CNTNAP3: variants seen among roughly 807,000 people sequenced by gnomAD.
The protein encoded by CNTNAP3 is contactin associated protein family member 3.
In CNTNAP3, 36 loss-of-function variants were observed where a neutral mutation model predicts 92.1. That is an observed-to-expected ratio of 0.39 (90% confidence interval 0.30 to 0.52). The LOEUF (loss-of-function observed/expected upper bound fraction) is 0.52, where lower values mean the gene tolerates loss of function less well. Ranked by LOEUF, CNTNAP3 falls within the 20% of genes least tolerant of loss-of-function variation. The probability of loss-of-function intolerance (pLI) is 0.76; values close to 1 mark genes in which losing one functional copy is unlikely to be tolerated. For missense variants in CNTNAP3, 534 were observed against 1,069.6 expected, an observed-to-expected ratio of 0.50 and a Z score of 6.98; for synonymous variants, 232 against 422.3, an observed-to-expected ratio of 0.55 and a Z score of 5.53.
At position 39,132,912 on chromosome 9, in the gene CNTNAP3, C is replaced by T; in HGVS notation, c.2080+20G>A. The T allele has an allele frequency of 6.5e-7, 1 of 1,536,482 alleles. No homozygotes were observed. The highest frequency in any genetic ancestry group is 8.7e-7 in the Non-Finnish European group (1 of 1,150,444). On this transcript the variant is annotated intron_variant, in intron 13 of 23. Coordinates refer to ENST00000297668, the MANE Select transcript of CNTNAP3 (RefSeq NM_033655.5). ...GCCCCGGCCCCGTGAACCCCTGTAG[C>T]CTCCAGGAGTGGCGCTTACCTCGTG...
intron 18 of CNTNAP3, among the ~76,000 whole-genome samples, chr9:39,095,333 T>C (rs573818987): frequency 7.6e-4 from 116 of 151,888 alleles, no homozygotes; most frequent in African/African-American, 2.5e-3. Flanking sequence ...TCTTGCTTAA[T>C]GACTTTAGCT....
chr9:39,113,340 T>G (rs1271507052), intron 14 of CNTNAP3, among the ~76,000 whole-genome samples: 1 of 152,214 alleles, frequency 6.6e-6, no homozygotes, highest in Non-Finnish European at 1.5e-5. Context: ...ATTTTTTCCA[T>G]AAAAGTACTG....
At position 39,086,680 on chromosome 9, in the gene CNTNAP3, T is replaced by C. The variant is rs191597258; in HGVS notation, c.3354+36A>G. ...AGATTATTTGTTCTTAAAATAATAA[T>C]ATTAGTTAGTTTGACTTTTGCATTT... is the stretch of plus-strand genomic sequence containing the variant. On this transcript the variant is annotated intron_variant, in intron 20 of 23. Coordinates refer to ENST00000297668, the MANE Select transcript of CNTNAP3 (RefSeq NM_033655.5). 94 of 1,599,422 alleles carry C rather than the reference T, an allele frequency of 5.9e-5. No homozygotes were observed. In the African/African-American group the frequency reaches 1.0e-3, roughly 18 times the overall value.
chr9:39,133,296 G>A (rs1821349153), intron 12 of CNTNAP3, among the ~76,000 whole-genome samples, 161 bp from the exon 13 acceptor site: 1 of 152,130 alleles, frequency 6.6e-6, no homozygotes, highest in Admixed American at 6.5e-5. Context: ...ACAATGTACT[G>A]AGCCAGAACT....
chr9:39,123,989 AAGGT>A (rs1235489494), intron 13 of CNTNAP3, among the ~76,000 whole-genome samples: 1 of 152,118 alleles, frequency 6.6e-6, no homozygotes, highest in Non-Finnish European at 1.5e-5. Flanking sequence ...TACATAAAGA[AAGGT>A]AGGAGCATTA....
chr9:39,110,437 G>A lies in CNTNAP3; in HGVS notation c.2238-1150C>T, dbSNP rs570112428. On this transcript the variant is annotated intron_variant, in intron 14 of 23. Transcript: ENST00000297668. ...AAACAAAAAACCCCACACACTCAGC[G>A]CTCACCTTTTGTCAAACAGACATTG... Among the ~76,000 whole-genome samples the A allele has an allele frequency of 4.6e-5, 7 of 152,174 alleles. No homozygotes were observed. The South Asian group carries it at 6.2e-4, about 14-fold the overall frequency.
At chr9:39,119,351 C>T (rs978092429) in intron 13 of CNTNAP3, among the ~76,000 whole-genome samples, 3 of 107,532 alleles carry the variant, frequency 2.8e-5, no homozygotes, top group Non-Finnish European at 5.5e-5. Context: ...ACCTGCCCCT[C>T]TGCCAAAAAA....
rs1825681476 is a variant in CNTNAP3, at chr9:39,073,777, G to A, written c.*113C>T. 18 of 1,595,822 alleles carry A rather than the reference G, an allele frequency of 1.1e-5. No homozygotes were observed. Among genetic ancestry groups the A allele is most frequent in the Non-Finnish European group, 8.5e-7 (1 of 1,179,348 alleles). On this transcript the variant is annotated 3_prime_UTR_variant, in exon 24 of 24. Transcript: ENST00000297668. ...GTGTGCACCCTGATGGCAACAGCAG[G>A]GAAGTCCACAGTCACGATGATAGAG...
Position 39,100,009 on chromosome 9 carries a change from C to T in CNTNAP3, c.2897G>A (p.Gly966Glu). 6.3e-7 allele frequency: 1 copy of T among 1,591,252 alleles called. No individual in the cohort carries two copies. The change falls in exon 18 of 24, where the codon GGA (glycine) becomes GAA (glutamate). Residue 966 changes from glycine (G) to glutamate (E), a missense_variant. Gly to Glu is a moderately conservative substitution (Grantham distance 98, BLOSUM62 -2). Coordinates refer to ENST00000297668, the MANE Select transcript of CNTNAP3 (RefSeq NM_033655.5). The stretch of plus-strand genomic sequence containing the variant: ...TCTCCCTCCATTGCGACACAAGTGT[C>T]CATAGGTGCTGCAGTGTCCTGCACA... The part of the protein sequence containing the change: ...PGCAGHCSTY[G>E]HLCRNGGRCR...
intron 12 of CNTNAP3, among the ~76,000 whole-genome samples, chr9:39,133,422 T>TCAA (rs1821352844): frequency 6.6e-6 from 1 of 151,942 alleles, no homozygotes; most frequent in Non-Finnish European, 1.5e-5. Context: ...TTTTTTTATA[T>TCAA]CAACACAAGC....
At chr9:39,143,053 T>C (rs1821614528) in intron 11 of CNTNAP3, among the ~76,000 whole-genome samples, 2 of 151,616 alleles carry the variant, frequency 1.3e-5, no homozygotes, top group Non-Finnish European at 2.9e-5. Context: ...AGTAGAGATA[T>C]ACAGAAAGAA....
At chr9:39,130,495 C>CT (rs58074019) in intron 13 of CNTNAP3, among the ~76,000 whole-genome samples, 8,213 of 111,142 alleles carry the variant, frequency 0.074, 697 homozygotes, top group African/African-American at 0.17. Context: ...AGGAGGAATT[C>CT]TTTTTTTTTT....
intron 13 of CNTNAP3, among the ~76,000 whole-genome samples, chr9:39,121,348 G>C (rs1160271505): frequency 6.6e-6 from 1 of 152,144 alleles, no homozygotes; most frequent in Non-Finnish European, 1.5e-5. Flanking sequence ...AGACATAAAT[G>C]TATATGCAAG....
chr9:39,104,313 G>A (rs1826542936), intron 15 of CNTNAP3, among the ~76,000 whole-genome samples: 1 of 152,038 alleles, frequency 6.6e-6, no homozygotes, highest in Non-Finnish European at 1.5e-5. Context: ...TAACTGGGAG[G>A]GGAAATAATT....
intron 21 of CNTNAP3, among the ~76,000 whole-genome samples, chr9:39,081,532 T>A (rs1412835954): frequency 6.6e-6 from 1 of 150,780 alleles, no homozygotes; most frequent in African/African-American, 2.4e-5. Flanking sequence ...TTCAGGGGCA[T>A]ATGTATTTTG....
intron 18 of CNTNAP3, among the ~76,000 whole-genome samples, chr9:39,091,805 A>G (rs1826210180): frequency 6.6e-6 from 1 of 151,810 alleles, no homozygotes; most frequent in Admixed American, 6.6e-5. Context: ...TATATTTTTA[A>G]ATAGTTGATA....
chr9:39,149,356 GT>G (rs776205980), intron 10 of CNTNAP3, among the ~76,000 whole-genome samples: 306 of 145,624 alleles, frequency 2.1e-3, no homozygotes, highest in African/African-American at 7.0e-3. Flanking sequence ...TTTTGTTTTT[GT>G]TTTTTTTTTT....
chr9:39,129,243 C>T (rs1821220691), intron 13 of CNTNAP3, among the ~76,000 whole-genome samples: 1 of 152,182 alleles, frequency 6.6e-6, no homozygotes, highest in African/African-American at 2.4e-5. Flanking sequence ...TGCTATACAG[C>T]TACCATGTTC....
At chr9:39,161,656 CAATAATAATAAT>C (rs4062749) in intron 9 of CNTNAP3, among the ~76,000 whole-genome samples, 7 of 124,406 alleles carry the variant, frequency 5.6e-5, no homozygotes, top group Non-Finnish European at 1.0e-4. Context: ...TCTCTACAAA[CAATAATAATAAT>C]AATAATAATA....
Sources: gnomAD v4.1 joint callset for allele counts (sites outside exome capture counted in the v4.1 genomes callset) on GRCh38, gnomAD v4.1.1 for gene constraint, MANE v1.5 for transcripts, NCBI Gene and HGNC (gene_info 2026-07-23, HGNC 2026-07-21) for gene names.